The following MYO1D variants were observed in gnomAD, a reference collection of about 807,000 sequenced individuals.
MYO1D encodes myosin ID, also known as unconventional myosin-Id.
Under a neutral mutation model 122.0 loss-of-function variants are expected in MYO1D, and 83 were observed. That is an observed-to-expected ratio of 0.68 (90% CI 0.57 to 0.82). The LOEUF (loss-of-function observed/expected upper bound fraction) is 0.82, where lower values mean the gene tolerates loss of function less well. Ranked by LOEUF, MYO1D falls within the 40% of genes least tolerant of loss-of-function variation. MYO1D has a pLI of 0.00. For missense variants in MYO1D, 1,157 were observed against 1,269.5 expected, an observed-to-expected ratio of 0.91 and a Z score of 1.35; for synonymous variants, 464 against 446.9, an observed-to-expected ratio of 1.04 and a Z score of -0.48.
At chr17:32,627,421 G>C (rs1368822297) in intron 20 of MYO1D, among the ~76,000 whole-genome samples, 1 of 152,126 alleles carries the variant, frequency 6.6e-6, no homozygotes. Flanking sequence ...ACCGGCGGGC[G>C]GATGGATTTC....
chr17:32,530,995 C>T (rs1270778244), intron 21 of MYO1D, among the ~76,000 whole-genome samples: 1 of 151,880 alleles, frequency 6.6e-6, no homozygotes, highest in Non-Finnish European at 1.5e-5. Context: ...TCTCTGTCCT[C>T]ACTCCCTTTG....
In MYO1D at chr17:32,676,810, T is replaced by C. The variant is rs957397600; in HGVS notation, c.2122-17472A>G. Among the ~76,000 whole-genome samples, 16 of 152,092 alleles carry C rather than the reference T, an allele frequency of 1.1e-4. 1 individual carries two copies. In the South Asian group the frequency reaches 2.7e-3, roughly 26 times the overall value. On this transcript the variant is annotated intron_variant, in intron 16 of 21. Coordinates refer to ENST00000318217, the MANE Select transcript of MYO1D (RefSeq NM_015194.3). ...TGATACAATGATGTTTTATGAAAAA[T>C]AGAATTTTTTTTTTTTTTGAGACGG...
chr17:32,727,286 C>T (rs1002062018), intron 14 of MYO1D, among the ~76,000 whole-genome samples: 7 of 152,124 alleles, frequency 4.6e-5, no homozygotes, highest in Non-Finnish European at 1.0e-4. Context: ...GACATGTGTG[C>T]GAGGTGAACT....
At chr17:32,612,477 G>A (rs55781337) in intron 20 of MYO1D, among the ~76,000 whole-genome samples, 45,817 of 151,432 alleles carry the variant, frequency 0.3, 7,161 homozygotes, top group South Asian at 0.38. Flanking sequence ...ACTTGAGGCC[G>A]GGAGTTCATG....
intron 8 of MYO1D, among the ~76,000 whole-genome samples, chr17:32,762,408 A>G (rs551955713): frequency 6.6e-6 from 1 of 152,246 alleles, no homozygotes; most frequent in South Asian, 2.1e-4. Flanking sequence ...TTCTCAACAC[A>G]GTCCATTTCA....
intron 1 of MYO1D, among the ~76,000 whole-genome samples, chr17:32,814,665 CATT>C (rs2090599109): frequency 6.6e-6 from 1 of 152,198 alleles, no homozygotes; most frequent in Non-Finnish European, 1.5e-5. Flanking sequence ...ACAAATTAAT[CATT>C]GTTGAAAATT....
chr17:32,667,326 A>G (rs373734260), intron 16 of MYO1D, among the ~76,000 whole-genome samples: 1 of 152,346 alleles, frequency 6.6e-6, no homozygotes, highest in East Asian at 1.9e-4. Context: ...GACAAAATGA[A>G]TAAAGACTTG....
intron 20 of MYO1D, among the ~76,000 whole-genome samples, chr17:32,637,289 C>T (rs764516137): frequency 3.2e-4 from 48 of 152,216 alleles, no homozygotes; most frequent in Admixed American, 1.1e-3. Flanking sequence ...TCTTCATCTC[C>T]TACTTCAAGA....
intron 1 of MYO1D, among the ~76,000 whole-genome samples, chr17:32,848,541 T>C (rs927828288): frequency 2.7e-4 from 41 of 152,326 alleles, no homozygotes; most frequent in African/African-American, 9.1e-4. Context: ...GGTAGTCAAG[T>C]CTCAGAATGA....
chr17:32,829,657 G>A (rs2090754189), intron 1 of MYO1D, among the ~76,000 whole-genome samples: 1 of 152,142 alleles, frequency 6.6e-6, no homozygotes. Flanking sequence ...GTTTTGCCAT[G>A]TTGGCCAGGC....
chr17:32,870,562 C>A (rs1201713294), intron 1 of MYO1D, among the ~76,000 whole-genome samples: 3 of 143,802 alleles, frequency 2.1e-5, no homozygotes, highest in Admixed American at 1.4e-4. Context: ...CAGTTAAGTT[C>A]TATTAAAGTA....
chr17:32,824,887 G>A (rs777027427), intron 1 of MYO1D, among the ~76,000 whole-genome samples: 9 of 152,154 alleles, frequency 5.9e-5, no homozygotes, highest in Non-Finnish European at 1.2e-4. Context: ...ATGCTTGCAT[G>A]TCCTGGAAGG....
intron 1 of MYO1D, among the ~76,000 whole-genome samples, chr17:32,787,351 T>A (rs1322871272): frequency 6.6e-6 from 1 of 152,148 alleles, no homozygotes; most frequent in Non-Finnish European, 1.5e-5. Flanking sequence ...GTAAGTTCTT[T>A]AGGGGTGATT....
At chr17:32,748,449 G>A (rs935745692) in intron 12 of MYO1D, among the ~76,000 whole-genome samples, 3 of 151,896 alleles carry the variant, frequency 2.0e-5, no homozygotes, top group Non-Finnish European at 2.9e-5. Flanking sequence ...ACTTCCTCCA[G>A]CAAGACCTCT....
chr17:32,622,212 G>C (rs1279705902), intron 20 of MYO1D, among the ~76,000 whole-genome samples: 1 of 151,922 alleles, frequency 6.6e-6, no homozygotes, highest in Non-Finnish European at 1.5e-5. Context: ...TGTTGTTCTC[G>C]CACATAAACA....
At chr17:32,582,283 A>C (rs2150901602) in intron 21 of MYO1D, among the ~76,000 whole-genome samples, 1 of 152,344 alleles carries the variant, frequency 6.6e-6, no homozygotes, top group South Asian at 2.1e-4. Flanking sequence ...CGCATTTTAA[A>C]AGAAAAGCAT....
At chr17:32,695,509 T>C (rs538639577) in intron 16 of MYO1D, among the ~76,000 whole-genome samples, 2 of 152,332 alleles carry the variant, frequency 1.3e-5, no homozygotes, top group South Asian at 4.1e-4. Context: ...CACAGATCTA[T>C]TTAACAGTCA....
At chr17:32,875,511 G>A (rs926691733) in intron 1 of MYO1D, among the ~76,000 whole-genome samples, 1 of 152,156 alleles carries the variant, frequency 6.6e-6, no homozygotes, top group Non-Finnish European at 1.5e-5. Flanking sequence ...GAATGCAGTG[G>A]AACTAGAATT....
In MYO1D at chr17:32,558,987, T is replaced by C. The variant is rs1270563680; in HGVS notation, c.2864+46100A>G. Among the ~76,000 whole-genome samples the C allele has an allele frequency of 3.9e-5, 6 of 152,264 alleles. 1 individual carries two copies. Among genetic ancestry groups the C allele is most frequent in the African/African-American group, 1.4e-4 (6 of 41,474 alleles). On this transcript the variant is annotated intron_variant, in intron 21 of 21. Transcript: ENST00000318217. ...AGGCTTATATGAGCTAACATATGCA[T>C]GGTGCTTTCAATATAGCCTAGCACA...
Sources: allele counts gnomAD v4.1 joint callset (sites outside exome capture counted in the v4.1 genomes callset), GRCh38; gene constraint gnomAD v4.1.1; transcripts MANE v1.5; gene names NCBI Gene and HGNC (gene_info 2026-07-23, HGNC 2026-07-21).